The following HNRNPM variants were observed in gnomAD, a reference collection of about 807,000 sequenced individuals.
The protein encoded by HNRNPM is heterogeneous nuclear ribonucleoprotein M.
In HNRNPM, 11 loss-of-function variants were observed where a neutral mutation model predicts 73.1. That is an observed-to-expected ratio of 0.15 (90% confidence interval 0.09 to 0.25). The LOEUF (loss-of-function observed/expected upper bound fraction) is 0.25, where lower values mean the gene tolerates loss of function less well. Among genes scored for constraint, HNRNPM ranks in the 10% least tolerant of loss-of-function variants. The probability of loss-of-function intolerance (pLI) is 1.00; values close to 1 mark genes in which losing one functional copy is unlikely to be tolerated. For missense variants in HNRNPM, 789 were observed against 1,067.9 expected (o/e 0.74, Z 3.64); for synonymous variants, 407 against 355.2 (o/e 1.15, Z -1.64).
chr19:8,450,648 C>A (rs2145610804), intron 1 of HNRNPM, among the ~76,000 whole-genome samples: 1 of 151,988 alleles, frequency 6.6e-6, no homozygotes, highest in East Asian at 1.9e-4. Flanking sequence ...GTGATCCGCC[C>A]ACCTTGGCCT....
intron 12 of HNRNPM, among the ~76,000 whole-genome samples, chr19:8,476,410 C>G (rs954126889): frequency 6.6e-6 from 1 of 152,056 alleles, no homozygotes; most frequent in Non-Finnish European, 1.5e-5. Flanking sequence ...CATGGGTGCT[C>G]CCATCAGACT....
At chr19:8,485,333 A>G (rs553191907) in intron 13 of HNRNPM, among the ~76,000 whole-genome samples, 3 of 152,348 alleles carry the variant, frequency 2.0e-5, no homozygotes, top group East Asian at 1.9e-4. Flanking sequence ...CACAGACACT[A>G]GCACCTCACA....
At chr19:8,487,897 AG>A (rs1373281890) in intron 15 of HNRNPM, 7 of 152,354 alleles carry the variant, frequency 4.6e-5, no homozygotes, top group African/African-American at 1.7e-4. Context: ...CAGCGCCCCC[AG>A]CCCCCACTTT....
chr19:8,486,049 C>G lies in HNRNPM; in HGVS notation c.1621C>G (p.Leu541Val). The change falls in exon 14 of 16, where the codon CTG becomes GTG. Residue 541 changes from leucine to valine, a missense_variant. Leu to Val is a conservative substitution (Grantham distance 32, BLOSUM62 1). This residue lies in a region of HNRNPM where 604 missense variants were observed against 744.0 expected (regional missense o/e 0.81). Transcript: ENST00000325495. ...RMVPAGMGAG[L>V]ERMGPVMDRM... ...GGTGCCCGCAGGTATGGGAGCTGGC[C>G]TGGAGCGCATGGGCCCCGTGATGGA... The G allele has an allele frequency of 1.2e-6, 2 of 1,602,628 alleles. No homozygotes were observed. Among genetic ancestry groups the G allele is most frequent in the Non-Finnish European group, 1.7e-6 (2 of 1,178,364 alleles).
At chr19:8,450,539 A>C (rs1044522745) in intron 1 of HNRNPM, among the ~76,000 whole-genome samples, 6 of 151,960 alleles carry the variant, frequency 3.9e-5, no homozygotes, top group African/African-American at 1.5e-4. Flanking sequence ...CCTTCTGAGT[A>C]AATAGGACCA....
Position 8,486,192 on chromosome 19 carries a change from C to T in HNRNPM, c.1764C>T (p.Ser588=), listed in dbSNP as rs1401668989. 1.3e-6 allele frequency: 2 copies of T among 1,584,066 alleles called. No individual in the cohort carries two copies. The highest frequency in any genetic ancestry group is 2.3e-5 in the East Asian group (1 of 44,260). Residue 588 remains serine (S), a synonymous_variant, in exon 14 of 16, where the codon AGC becomes AGT. Coordinates refer to ENST00000325495, the MANE Select transcript of HNRNPM (RefSeq NM_005968.5). The part of the protein sequence containing the change: ...RMGLERMGAN[S]LERMGPAMGP... ...GCCTGGAGCGCATGGGTGCCAACAGCCTCGAGCGCATGGGCCCTGCCATGG... is the reference window on the plus strand; with the variant it reads ...GCCTGGAGCGCATGGGTGCCAACAGTCTCGAGCGCATGGGCCCTGCCATGG...
chr19:8,486,879 G>T, intron 14 of HNRNPM, 145 bp from the exon 15 acceptor site: 1 of 737,364 alleles, frequency 1.4e-6, no homozygotes, highest in South Asian at 1.5e-5. Flanking sequence ...GTATCTATTA[G>T]TTTCCTGCTG....
intron 1 of HNRNPM, among the ~76,000 whole-genome samples, chr19:8,445,963 T>G (rs1968146714): frequency 6.6e-6 from 1 of 152,218 alleles, no homozygotes; most frequent in African/African-American, 2.4e-5. Flanking sequence ...GCTCTTTGAC[T>G]CCTTGGCTTT....
intron 2 of HNRNPM, among the ~76,000 whole-genome samples, chr19:8,458,660 C>T (rs552968836): frequency 2.0e-5 from 3 of 152,362 alleles, no homozygotes; most frequent in African/African-American, 7.2e-5. Context: ...CGAAGTTTAG[C>T]AGCAGTCAGT....
At chr19:8,449,423 G>A (rs1968457094) in intron 1 of HNRNPM, among the ~76,000 whole-genome samples, 1 of 152,174 alleles carries the variant, frequency 6.6e-6, no homozygotes, top group Non-Finnish European at 1.5e-5. Context: ...TGGTTTGCTA[G>A]TTTTAAAGCC....
At chr19:8,463,719 T>C (rs1300088367) in intron 5 of HNRNPM, 33 bp downstream of exon 5, 4 of 1,400,518 alleles carry the variant, frequency 2.9e-6, no homozygotes, top group East Asian at 2.3e-5. Flanking sequence ...GGATACTGTG[T>C]GTAATTGTTG....
intron 13 of HNRNPM, among the ~76,000 whole-genome samples, chr19:8,484,856 C>T (rs1391522380): frequency 6.6e-6 from 1 of 152,132 alleles, no homozygotes; most frequent in African/African-American, 2.4e-5. Flanking sequence ...TTGCAAGCAC[C>T]ACGGGTGGGG....
rs1238161152 is a variant in HNRNPM, at chr19:8,465,306, C to T, written c.439-18C>T. 1 of 1,591,134 alleles carries T rather than the reference C, an allele frequency of 6.3e-7. No homozygotes were observed. The highest frequency in any genetic ancestry group is 8.6e-7 in the Non-Finnish European group (1 of 1,168,288). On this transcript the variant is annotated intron_variant, in intron 5 of 15. Transcript: ENST00000325495. ...GTACTGGGTCAGTTAAACGTAACAC[C>T]TTTTGTGCTTGTTTTAGGATCCTGA...
intron 14 of HNRNPM, 76 bp from the exon 15 acceptor site, chr19:8,486,948 C>T (rs531560639): frequency 2.5e-6 from 3 of 1,182,410 alleles, no homozygotes; most frequent in Non-Finnish European, 3.8e-6. Flanking sequence ...TAGCATGGCC[C>T]TCAGAGCCAG....
intron 7 of HNRNPM, 150 bp downstream of exon 7, chr19:8,466,538 C>G (rs1217429606): frequency 7.0e-6 from 6 of 857,280 alleles, no homozygotes; most frequent in African/African-American, 6.9e-5. Flanking sequence ...AAGAGGTTCT[C>G]TGGGCCGGAC....
chr19:8,445,053 G>A lies in HNRNPM; in HGVS notation c.55G>A (p.Glu19Lys). Residue 19 changes from glutamate (E) to lysine (K), a missense_variant, in exon 1 of 16, where the codon GAG becomes AAG. Physicochemically the swap from Glu to Lys is moderately conservative, Grantham distance 56 (BLOSUM62 1). This residue lies in a region of HNRNPM where 79 missense variants were observed against 70.7 expected (regional missense o/e 1.12). Transcript: ENST00000325495. Reference sequence around the variant, plus strand: ...GGTGGCGGCGACGGAGATCAAAATGGAGGAAGAGAGCGGCGCGCCCGGCGT... The same window carrying A: ...GGTGGCGGCGACGGAGATCAAAATGAAGGAAGAGAGCGGCGCGCCCGGCGT... ...AEVAATEIKM[E>K]EESGAPGVPS... 1.4e-6 allele frequency: 2 copies of A among 1,430,572 alleles called. No individual in the cohort carries two copies. The highest frequency in any genetic ancestry group is 3.2e-5 in the South Asian group (2 of 63,460). The allele number at this position is 1,430,572 out of a possible 1,614,324, so 88.6% of individuals were successfully genotyped here. A position where few individuals can be genotyped will look rare whatever the true frequency, so the allele number is the denominator to read the frequency against.
rs375739833 is a variant in HNRNPM at position 8,474,222 on chromosome 19, G to A, written c.1098G>A (p.Gly366=). The A allele has an allele frequency of 6.3e-7, 1 of 1,595,520 alleles. No individual in the cohort carries two copies. Among genetic ancestry groups the A allele is most frequent in the African/African-American group, 1.4e-5 (1 of 73,584 alleles). Residue 366 remains glycine (G), a synonymous_variant, in exon 12 of 16, where the codon GGG becomes GGA. Transcript: ENST00000325495. ...GMENMGRFGS[G]MNMGRINEIL... is the part of the protein sequence containing the mutation. ...AAAACATGGGTCGATTTGGATCTGG[G>A]ATGAACATGGGCAGGATAAATGGTA...
At chr19:8,484,862 T>G (rs1428501457) in intron 13 of HNRNPM, among the ~76,000 whole-genome samples, 1 of 152,032 alleles carries the variant, frequency 6.6e-6, no homozygotes, top group Non-Finnish European at 1.5e-5. Context: ...GCACCACGGG[T>G]GGGGGCGTCC....
In HNRNPM at chr19:8,470,499, T is replaced by G. The variant is rs902148496; in HGVS notation, c.896-827T>G. 2.3e-4 allele frequency among the ~76,000 whole-genome samples: 35 copies of G among 152,090 alleles called. 1 individual carries two copies. The highest frequency in any genetic ancestry group is 2.5e-4 in the Non-Finnish European group (17 of 67,954). ...TGCCACCATGCCAGGCTAATTTTTTTTTTTTTTTAGTAGAGATGGGGTTTT... is the reference window on the plus strand; with the variant it reads ...TGCCACCATGCCAGGCTAATTTTTTGTTTTTTTTAGTAGAGATGGGGTTTT... On this transcript the variant is annotated intron_variant, in intron 9 of 15. Transcript: ENST00000325495.
Sources: allele counts gnomAD v4.1 joint callset (sites outside exome capture counted in the v4.1 genomes callset), GRCh38; gene constraint gnomAD v4.1.1; regional missense constraint gnomAD v4.1.1; transcripts MANE v1.5; gene names NCBI Gene and HGNC (gene_info 2026-07-23, HGNC 2026-07-21).